The following CNTN3 variants were observed in gnomAD, a reference collection of about 807,000 sequenced individuals.
The protein encoded by CNTN3 is contactin 3.
CNTN3 carries 60 observed loss-of-function variants against 119.1 expected under a neutral mutation model. The observed-to-expected ratio is 0.50, with a 90% CI of 0.41 to 0.62. The LOEUF (loss-of-function observed/expected upper bound fraction) is 0.62, where lower values mean the gene tolerates loss of function less well. Among genes scored for constraint, CNTN3 ranks in the 20% least tolerant of loss-of-function variants. The pLI, the probability that CNTN3 is intolerant of heterozygous loss-of-function variation, is 0.00. For missense variants in CNTN3, 1,101 were observed against 1,242.4 expected, an observed-to-expected ratio of 0.89 and a Z score of 1.71; for synonymous variants, 450 against 438.7, an observed-to-expected ratio of 1.03 and a Z score of -0.32.
rs1156579949 is a variant in CNTN3, at chr3:74,344,397, G to GTTTTTTTTTTTTTTTTTTTTTTTTTT, written c.1365-7765_1365-7740dup. On this transcript the variant is annotated intron_variant, in intron 11 of 22. Transcript: ENST00000263665. ...AGTTCATTTACAACCTTACACAGTG[G>GTTTTTTTTTTTTTTTTTTTTTTTTTT]TTTTTTTTTTTTTTTTTTTTTTTTT... Among the ~76,000 whole-genome samples the GTTTTTTTTTTTTTTTTTTTTTTTTTT allele has an allele frequency of 9.2e-5, 3 of 32,628 alleles. 1 individual carries two copies. Among genetic ancestry groups the GTTTTTTTTTTTTTTTTTTTTTTTTTT allele is most frequent in the South Asian group, 1.0e-3 (1 of 994 alleles). The allele number at this position is 32,628 out of a possible 152,430, so 21.4% of individuals were successfully genotyped here. A position where few individuals can be genotyped will look rare whatever the true frequency, so the allele number is the denominator to read the frequency against.
intron 13 of CNTN3, among the ~76,000 whole-genome samples, chr3:74,309,010 C>T (rs1174467332): frequency 2.0e-5 from 3 of 152,092 alleles, no homozygotes; most frequent in Admixed American, 6.5e-5. Flanking sequence ...GAGCCGGAGA[C>T]GTTTGCTCTG....
chr3:74,452,859 A>G (rs944284152), intron 4 of CNTN3, among the ~76,000 whole-genome samples: 2 of 151,864 alleles, frequency 1.3e-5, no homozygotes, highest in Non-Finnish European at 2.9e-5. Context: ...CATCCCAGGG[A>G]TGAAGCCCAC....
rs1183630263 is a variant in CNTN3, at chr3:74,301,455, T to C, written c.2038A>G (p.Lys680Glu). The C allele has an allele frequency of 3.1e-6, 5 of 1,614,178 alleles. No individual in the cohort carries two copies. The highest frequency in any genetic ancestry group is 4.2e-6 in the Non-Finnish European group (5 of 1,180,010). Residue 680 changes from lysine to glutamate, a missense_variant, in exon 16 of 23, where the codon AAA becomes GAA. By Grantham distance (56) the Lys-to-Glu change is moderately conservative. Coordinates refer to ENST00000263665, the MANE Select transcript of CNTN3 (RefSeq NM_020872.3). ...AAACTTGGTTCTCCACCTCCAATTT[T>C]GTTACTGGCTACAACCCGAAATTCA... ...EYEFRVVASN[K>E]IGGGEPSLPS...
chr3:74,318,675 T>C (rs1312676212), intron 13 of CNTN3, among the ~76,000 whole-genome samples: 2 of 152,154 alleles, frequency 1.3e-5, no homozygotes, highest in African/African-American at 2.4e-5. Flanking sequence ...ACAGTGGATC[T>C]TGGTGAACTG....
At chr3:74,435,874 C>G (rs900881552) in intron 4 of CNTN3, among the ~76,000 whole-genome samples, 2 of 152,136 alleles carry the variant, frequency 1.3e-5, no homozygotes, top group East Asian at 1.9e-4. Flanking sequence ...CCAACCCTCA[C>G]GCTGGTCTCC....
At chr3:74,360,305 T>G (rs190509607) in intron 11 of CNTN3, among the ~76,000 whole-genome samples, 364 of 152,292 alleles carry the variant, frequency 2.4e-3, no homozygotes, top group African/African-American at 8.2e-3. Flanking sequence ...TTGGACTCTA[T>G]GACTTCAATG....
At chr3:74,513,800 T>C (rs947216513) in intron 2 of CNTN3, among the ~76,000 whole-genome samples, 2 of 152,052 alleles carry the variant, frequency 1.3e-5, no homozygotes, top group African/African-American at 4.8e-5. Context: ...CAGGTAGGAA[T>C]ATTACTTTTG....
At chr3:74,416,504 T>C (rs1196360855) in intron 5 of CNTN3, among the ~76,000 whole-genome samples, 3 of 152,170 alleles carry the variant, frequency 2.0e-5, no homozygotes, top group African/African-American at 7.2e-5. Flanking sequence ...GTTTGTACCC[T>C]CTCTGCTTCC....
chr3:74,556,510 GAT>G (rs1308427661), intron 1 of CNTN3, among the ~76,000 whole-genome samples: 1 of 152,066 alleles, frequency 6.6e-6, no homozygotes, highest in African/African-American at 2.4e-5. Flanking sequence ...CCACTGTATG[GAT>G]ATACCATACT....
intron 1 of CNTN3, among the ~76,000 whole-genome samples, chr3:74,576,798 G>T (rs576787713): frequency 6.6e-6 from 1 of 151,698 alleles, no homozygotes; most frequent in Non-Finnish European, 1.5e-5. Flanking sequence ...TTTTACTAGT[G>T]CATGTTTTTC....
chr3:74,551,086 A>G (rs1270490134), intron 1 of CNTN3, among the ~76,000 whole-genome samples: 1 of 152,184 alleles, frequency 6.6e-6, no homozygotes, highest in Admixed American at 6.5e-5. Context: ...AGGTGCAGTA[A>G]TTCATCCTGA....
chr3:74,548,319 T>C (rs143854858), intron 1 of CNTN3, among the ~76,000 whole-genome samples: 2 of 152,166 alleles, frequency 1.3e-5, no homozygotes, highest in Admixed American at 6.5e-5. Context: ...TGAATATATA[T>C]GGGTTTTGAT....
At chr3:74,356,954 C>T (rs1229588181) in intron 11 of CNTN3, among the ~76,000 whole-genome samples, 3 of 152,090 alleles carry the variant, frequency 2.0e-5, no homozygotes, top group Non-Finnish European at 2.9e-5. Context: ...GTAGGAGTCT[C>T]GCTCTGTCGC....
At chr3:74,309,777 A>G (rs896138465) in intron 13 of CNTN3, among the ~76,000 whole-genome samples, 2 of 152,204 alleles carry the variant, frequency 1.3e-5, no homozygotes, top group Non-Finnish European at 2.9e-5. Flanking sequence ...TAGGCTGTGT[A>G]GGCTGTATAC....
intron 1 of CNTN3, among the ~76,000 whole-genome samples, chr3:74,570,476 C>G (rs1485782346): frequency 6.8e-6 from 1 of 147,096 alleles, no homozygotes; most frequent in Non-Finnish European, 1.5e-5. Flanking sequence ...AGAACTGGCT[C>G]TCTCGCAACA....
chr3:74,280,700 G>C (rs568030600), intron 20 of CNTN3, among the ~76,000 whole-genome samples: 2 of 152,334 alleles, frequency 1.3e-5, no homozygotes, highest in East Asian at 3.9e-4. Context: ...GATTACTTAA[G>C]CACTGGAGTA....
chr3:74,495,631 G>T (rs1049611525), intron 3 of CNTN3, among the ~76,000 whole-genome samples: 1 of 151,828 alleles, frequency 6.6e-6, no homozygotes, highest in Non-Finnish European at 1.5e-5. Context: ...GCAGAATTTA[G>T]CACATTATTT....
chr3:74,339,678 C>A (rs2106720996), intron 11 of CNTN3, among the ~76,000 whole-genome samples: 1 of 152,194 alleles, frequency 6.6e-6, no homozygotes, highest in Non-Finnish European at 1.5e-5. Context: ...TTTTTAGACC[C>A]TTGAAAAGTG....
In CNTN3 at chr3:74,297,067, A is replaced by G. The variant is rs138996503; in HGVS notation, c.2401+890T>C. Among the ~76,000 whole-genome samples the G allele has an allele frequency of 1.1e-3, 170 of 152,316 alleles. 1 individual carries two copies. The highest frequency in any genetic ancestry group is 3.9e-3 in the African/African-American group (161 of 41,576). ...CGGGTCCAGAGTGAAGTATGTCTGT[A>G]TCTCCACCAGCAGGTTCATATCCCT... is the stretch of plus-strand genomic sequence containing the variant. On this transcript the variant is annotated intron_variant, in intron 18 of 22. Transcript: ENST00000263665.
Sources: allele counts gnomAD v4.1 joint callset (sites outside exome capture counted in the v4.1 genomes callset), GRCh38; gene constraint gnomAD v4.1.1; transcripts MANE v1.5; gene names NCBI Gene and HGNC (gene_info 2026-07-23, HGNC 2026-07-21).